The following COL15A1 variants were observed in gnomAD, a reference collection of about 807,000 sequenced individuals.
COL15A1 encodes collagen type XV alpha 1 chain.
In COL15A1, 111 loss-of-function variants were observed where a neutral mutation model predicts 165.9. That is an observed-to-expected ratio of 0.67 (90% CI 0.57 to 0.78). The LOEUF (loss-of-function observed/expected upper bound fraction) is 0.78. Among genes scored for constraint, COL15A1 ranks in the 30% least tolerant of loss-of-function variants. The pLI is 0.00. For synonymous variants in COL15A1, 659 were observed against 674.8 expected (o/e 0.98, Z 0.36); for missense variants, 1,745 against 1,789.7 (o/e 0.98, Z 0.45).
rs117523598 is a variant in COL15A1, at chr9:98,951,960, A to G, written c.100+7710A>G. On this transcript the variant is annotated intron_variant, in intron 2 of 41. Transcript: ENST00000375001. ...GGAAGCTGTCTCTCCTCTCCCAGGC[A>G]TAATGAGCATCTCTTTGTCTCAGGG... 1.1e-3 allele frequency among the ~76,000 whole-genome samples: 173 copies of G among 152,352 alleles called. 6 individuals carry two copies. In the East Asian group the frequency reaches 0.032, roughly 28 times the overall value.
intron 16 of COL15A1, among the ~76,000 whole-genome samples, chr9:99,029,735 T>C (rs951016609): frequency 6.6e-6 from 1 of 151,916 alleles, no homozygotes; most frequent in African/African-American, 2.4e-5. Flanking sequence ...ACCAGCCTGG[T>C]CAACATGGCG....
rs1324559397 is a variant in COL15A1 at position 99,063,700 on chromosome 9, G to C, written c.3651+591G>C. The stretch of plus-strand genomic sequence containing the variant: ...GATTAATCAGAAGGGACAGGAGCAG[G>C]GGTCCAAAGGCCAGTTAGGTGACTC... On this transcript the variant is annotated intron_variant, in intron 39 of 41. Coordinates refer to ENST00000375001, the MANE Select transcript of COL15A1 (RefSeq NM_001855.5). 3.3e-5 allele frequency among the ~76,000 whole-genome samples: 5 copies of C among 152,154 alleles called. No homozygotes were observed. In the East Asian group the frequency reaches 9.6e-4, roughly 29 times the overall value.
Position 99,016,059 on chromosome 9 carries a change from TCCCCCTGATGGGCCACCGCTG to T in COL15A1, c.1592_1612del (p.Pro531_Pro537del). 6.2e-7 allele frequency: 1 copy of T among 1,613,762 alleles called. No homozygotes were observed. Among genetic ancestry groups the T allele is most frequent in the Non-Finnish European group, 8.5e-7 (1 of 1,179,876 alleles). On this transcript the variant is annotated inframe_deletion, in exon 11 of 42. Coordinates refer to ENST00000375001, the MANE Select transcript of COL15A1 (RefSeq NM_001855.5). ...CTGGGGGTGAAGAGTCCGGCAGCCC[TCCCCCTGATGGGCCACCGCTG>T]CCCCTGCCCACAGTGGCTCCTGAAA...
At chr9:98,971,019 G>A (rs563978936) in intron 2 of COL15A1, among the ~76,000 whole-genome samples, 48 of 152,284 alleles carry the variant, frequency 3.2e-4, no homozygotes, top group Middle Eastern at 6.8e-3. Context: ...GGATGTATCC[G>A]TGTGTGCATG....
chr9:98,985,929 TG>T lies in COL15A1; in HGVS notation c.466del (p.Val156Ter). The T allele has an allele frequency of 2.5e-6, 4 of 1,613,938 alleles. No homozygotes were observed. Among genetic ancestry groups the T allele is most frequent in the Non-Finnish European group, 3.4e-6 (4 of 1,179,990 alleles). ...AAGAGGCTGCTGCCTTCTCGGTGCC[TG>T]TGATGACCCACAGGTGGAACCGCTT... ...SQEAAAFSVPVMTHRWNRFAM... is the reference protein window; with the variant it reads ...SQEAAAFSVPXMTHRWNRFAM... On this transcript the variant is annotated frameshift_variant, in exon 3 of 42. Coordinates refer to ENST00000375001, the MANE Select transcript of COL15A1 (RefSeq NM_001855.5). LOFTEE classifies it high-confidence loss of function.
Position 99,040,544 on chromosome 9 carries a change from G to T in COL15A1, c.2499G>T (p.Leu833=), listed in dbSNP as rs748239972. The T allele has an allele frequency of 1.4e-5, 22 of 1,614,086 alleles. No homozygotes were observed. The South Asian group carries it at 2.3e-4, about 17-fold the overall frequency. ...AGGGGCCGGACGGGTTGCCTGGGCT[G>T]CCAGGATTTCCAGTAAGTACCACCC... ...GPPGPDGLPG[L]PGFPGPRGPK... The change falls in exon 23 of 42, where the codon CTG becomes CTT. Residue 833 remains leucine, a synonymous_variant. Coordinates refer to ENST00000375001, the MANE Select transcript of COL15A1 (RefSeq NM_001855.5).
intron 16 of COL15A1, among the ~76,000 whole-genome samples, chr9:99,032,715 T>C (rs1839227887): frequency 6.6e-6 from 1 of 152,212 alleles, no homozygotes; most frequent in Non-Finnish European, 1.5e-5. Context: ...TGTCATTCTG[T>C]CTAGGTCTTT....
chr9:98,971,582 G>T (rs1346645662), intron 2 of COL15A1, among the ~76,000 whole-genome samples: 1 of 152,158 alleles, frequency 6.6e-6, no homozygotes, highest in Non-Finnish European at 1.5e-5. Context: ...GGGTGGCTTT[G>T]TGCCCAGGAT....
intron 22 of COL15A1, 65 bp from the exon 23 acceptor site, chr9:99,040,456 G>T (rs1839382322): frequency 1.2e-6 from 2 of 1,613,488 alleles, no homozygotes; most frequent in South Asian, 1.1e-5. Context: ...TGGGAGGGAG[G>T]GGGTCCTGCT....
chr9:98,958,387 A>C (rs1449593071), intron 2 of COL15A1, among the ~76,000 whole-genome samples: 1 of 152,164 alleles, frequency 6.6e-6, no homozygotes, highest in East Asian at 1.9e-4. Flanking sequence ...CTGTCATCCC[A>C]TTCACAAAGT....
At chr9:99,065,311 G>A (rs893952161) in intron 39 of COL15A1, among the ~76,000 whole-genome samples, 1 of 152,156 alleles carries the variant, frequency 6.6e-6, no homozygotes, top group African/African-American at 2.4e-5. Context: ...AAGGCCTCGT[G>A]TGATGCACTC....
chr9:98,951,657 T>G (rs1837689255), intron 2 of COL15A1, among the ~76,000 whole-genome samples: 1 of 152,218 alleles, frequency 6.6e-6, no homozygotes, highest in South Asian at 2.1e-4. Context: ...CTCAAAGTCC[T>G]GGGCTCAAGG....
chr9:99,049,720 C>G lies in COL15A1; in HGVS notation c.2824C>G (p.Pro942Ala). 1 of 1,613,960 alleles carries G rather than the reference C, an allele frequency of 6.2e-7. No homozygotes were observed. Among genetic ancestry groups the G allele is most frequent in the South Asian group, 1.1e-5 (1 of 91,080 alleles). The change falls in exon 29 of 42, where the codon CCC becomes GCC. Residue 942 changes from proline (P) to alanine (A), a missense_variant. Coordinates refer to ENST00000375001, the MANE Select transcript of COL15A1 (RefSeq NM_001855.5). ...ACCTGGCTTACCTGGCCCTCCAGGC[C>G]CCCCTGGGCCACCTGGAGCTGTGAT... is the stretch of plus-strand genomic sequence containing the variant. ...GPPGLPGPPG[P>A]PGPPGAVINI...
intron 23 of COL15A1, chr9:99,040,840 T>C: frequency 2.1e-6 from 1 of 474,614 alleles, no homozygotes; most frequent in Non-Finnish European, 3.8e-6. Context: ...CTTTTTACAT[T>C]TTCTAAAGGC....
intron 5 of COL15A1, among the ~76,000 whole-genome samples, chr9:98,989,954 A>C (rs186755020): frequency 6.6e-6 from 1 of 152,328 alleles, no homozygotes; most frequent in Admixed American, 6.5e-5. Flanking sequence ...GAAAACAGCA[A>C]GCAGCAGCAG....
At chr9:99,054,483 A>G in intron 31 of COL15A1, 93 bp from the exon 32 acceptor site, 1 of 1,390,766 alleles carries the variant, frequency 7.2e-7, no homozygotes, top group East Asian at 2.5e-5. Flanking sequence ...ACTTTGCTAA[A>G]TGAGCTTAGT....
At chr9:99,045,116 G>A (rs2119085700) in intron 26 of COL15A1, among the ~76,000 whole-genome samples, 1 of 152,252 alleles carries the variant, frequency 6.6e-6, no homozygotes, top group South Asian at 2.1e-4. Flanking sequence ...AAGTTGGGGA[G>A]GGGGAAGAGA....
intron 2 of COL15A1, among the ~76,000 whole-genome samples, chr9:98,976,979 C>T (rs1243373940): frequency 1.3e-5 from 2 of 152,030 alleles, no homozygotes; most frequent in Non-Finnish European, 2.9e-5. Context: ...TACACAAAGG[C>T]TCAAGGGTGT....
intron 2 of COL15A1, among the ~76,000 whole-genome samples, chr9:98,969,804 G>A (rs1377831383): frequency 1.3e-5 from 2 of 152,232 alleles, no homozygotes; most frequent in African/African-American, 4.8e-5. Flanking sequence ...AGACAGATGA[G>A]GGCTTAAAAT....
Sources: gnomAD v4.1 joint callset for allele counts (sites outside exome capture counted in the v4.1 genomes callset) on GRCh38, gnomAD v4.1.1 for gene constraint, MANE v1.5 for transcripts, NCBI Gene and HGNC (gene_info 2026-07-23, HGNC 2026-07-21) for gene names.